Variants in RABGAP1L observed in about 807,000 individuals in gnomAD.
RABGAP1L encodes RAB GTPase activating protein 1 like, also known as rab GTPase-activating protein 1-like.
A neutral mutation model predicts 137.7 loss-of-function variants in RABGAP1L; 63 were observed. The observed-to-expected ratio is 0.46, with a 90% CI of 0.37 to 0.56. RABGAP1L has a LOEUF of 0.56. RABGAP1L is among the 20% of genes least tolerant of loss of function. RABGAP1L has a pLI of 0.00. For missense variants in RABGAP1L, 1,095 were observed against 1,244.0 expected, an observed-to-expected ratio of 0.88 and a Z score of 1.80; for synonymous variants, 431 against 433.7, an observed-to-expected ratio of 0.99 and a Z score of 0.08.
intron 16 of RABGAP1L, among the ~76,000 whole-genome samples, chr1:174,701,392 A>T (rs1355768819): frequency 6.6e-6 from 1 of 152,140 alleles, no homozygotes; most frequent in Non-Finnish European, 1.5e-5. Flanking sequence ...AACATCATAG[A>T]CCCCAGATTA....
intron 13 of RABGAP1L, among the ~76,000 whole-genome samples, chr1:174,439,606 T>G (rs1653891903): frequency 6.6e-6 from 1 of 152,206 alleles, no homozygotes; most frequent in African/African-American, 2.4e-5. Context: ...TGACTAATAC[T>G]GCCCTTCATT....
intron 20 of RABGAP1L, chr1:174,964,905 A>G: frequency 6.8e-7 from 1 of 1,474,430 alleles, no homozygotes; most frequent in Non-Finnish European, 9.0e-7. Context: ...GTAGGTGTTC[A>G]ATTTCATTGG....
intron 19 of RABGAP1L, among the ~76,000 whole-genome samples, chr1:174,813,538 G>C (rs545502420): frequency 1.3e-5 from 2 of 152,112 alleles, no homozygotes; most frequent in Non-Finnish European, 2.9e-5. Flanking sequence ...ATGTTAAAAA[G>C]TACAGTTAAA....
intron 18 of RABGAP1L, among the ~76,000 whole-genome samples, chr1:174,793,184 A>G (rs16847450): frequency 0.093 from 14,178 of 152,056 alleles, 882 homozygotes; most frequent in East Asian, 0.22. Flanking sequence ...TAGAAACAAA[A>G]TGACTCTCTA....
At chr1:174,502,509 A>G (rs183423653) in intron 13 of RABGAP1L, among the ~76,000 whole-genome samples, 3 of 150,288 alleles carry the variant, frequency 2.0e-5, no homozygotes, top group African/African-American at 7.3e-5. Flanking sequence ...AATAACACAA[A>G]ACAGAAAAAA....
intron 11 of RABGAP1L, among the ~76,000 whole-genome samples, chr1:174,328,498 GT>G (rs1680746157): frequency 6.6e-6 from 1 of 152,088 alleles, no homozygotes; most frequent in African/African-American, 2.4e-5. Flanking sequence ...GGCCGGGCAC[GT>G]TGTCTCATGC....
intron 20 of RABGAP1L, among the ~76,000 whole-genome samples, chr1:174,960,950 T>A (rs1423369971): frequency 6.6e-6 from 1 of 152,232 alleles, no homozygotes; most frequent in African/African-American, 2.4e-5. Context: ...ATGCACTGCC[T>A]GTGCTACCTG....
At chr1:174,602,938 T>G (rs1670523840) in intron 13 of RABGAP1L, among the ~76,000 whole-genome samples, 2 of 152,210 alleles carry the variant, frequency 1.3e-5, no homozygotes, top group African/African-American at 4.8e-5. Flanking sequence ...TCTCCAGGAT[T>G]GGTCCTTGGT....
At chr1:174,965,079 C>G (rs1349842144) in intron 20 of RABGAP1L, 7 of 891,718 alleles carry the variant, frequency 7.9e-6, no homozygotes, top group African/African-American at 3.4e-5. Flanking sequence ...ACTAACCAAA[C>G]TTTCCCAGCT....
intron 13 of RABGAP1L, among the ~76,000 whole-genome samples, chr1:174,562,202 G>C: frequency 6.6e-6 from 1 of 152,148 alleles, no homozygotes; most frequent in East Asian, 1.9e-4. Flanking sequence ...CATATGAACA[G>C]ACACTTCTCA....
At chr1:174,215,302 C>A (rs1669206032) in intron 1 of RABGAP1L, among the ~76,000 whole-genome samples, 1 of 151,826 alleles carries the variant, frequency 6.6e-6, no homozygotes, top group Non-Finnish European at 1.5e-5. Flanking sequence ...ACCAATAATA[C>A]AAAAATTAGC....
chr1:174,175,114 A>G (rs1324142010), intron 1 of RABGAP1L, among the ~76,000 whole-genome samples: 1 of 151,414 alleles, frequency 6.6e-6, no homozygotes, highest in African/African-American at 2.4e-5. Context: ...TGATTTCTAA[A>G]AGGCTTTGAA....
At chr1:174,586,348 C>T (rs1455980830) in intron 13 of RABGAP1L, among the ~76,000 whole-genome samples, 2 of 149,924 alleles carry the variant, frequency 1.3e-5, no homozygotes, top group East Asian at 2.0e-4. Context: ...AATGAGAACA[C>T]ATGGACACAG....
At chr1:174,976,913 A>T (rs1670692766) in intron 22 of RABGAP1L, among the ~76,000 whole-genome samples, 1 of 152,256 alleles carries the variant, frequency 6.6e-6, no homozygotes, top group South Asian at 2.1e-4. Context: ...TGTCAGTCCC[A>T]GCCAGGGGCC....
At chr1:174,203,108 G>A (rs940899151) in intron 1 of RABGAP1L, among the ~76,000 whole-genome samples, 1 of 152,052 alleles carries the variant, frequency 6.6e-6, no homozygotes, top group Non-Finnish European at 1.5e-5. Flanking sequence ...GTATTTTTTA[G>A]GTTGTCTTAC....
At chr1:174,354,348 C>G (rs889025499) in intron 11 of RABGAP1L, among the ~76,000 whole-genome samples, 13 of 151,946 alleles carry the variant, frequency 8.6e-5, no homozygotes, top group Non-Finnish European at 1.6e-4. Flanking sequence ...CCAACACTTG[C>G]TTAATTTTTT....
intron 14 of RABGAP1L, among the ~76,000 whole-genome samples, chr1:174,677,179 G>A (rs193225171): frequency 3.3e-4 from 34 of 103,790 alleles, no homozygotes; most frequent in Non-Finnish European, 5.0e-4. Context: ...AAAATTATCC[G>A]TGCATGGTGG....
intron 17 of RABGAP1L, among the ~76,000 whole-genome samples, chr1:174,731,801 C>G (rs761293234): frequency 2.1e-4 from 32 of 152,230 alleles, no homozygotes; most frequent in Non-Finnish European, 4.3e-4. Context: ...GCTACATCTT[C>G]TGAGAACTAG....
chr1:174,442,057 C>A (rs979086547), intron 13 of RABGAP1L, among the ~76,000 whole-genome samples: 1 of 151,672 alleles, frequency 6.6e-6, no homozygotes, highest in Admixed American at 6.6e-5. Context: ...ATATTTTTTG[C>A]CATTTTCCTA....
Sources: allele counts gnomAD v4.1 joint callset (sites outside exome capture counted in the v4.1 genomes callset), GRCh38; gene constraint gnomAD v4.1.1; transcripts MANE v1.5; gene names NCBI Gene and HGNC (gene_info 2026-07-23, HGNC 2026-07-21).